Variants in SYN3 observed in about 807,000 individuals in gnomAD.
SYN3 encodes synapsin-3.
In SYN3, 35 loss-of-function variants were observed where a neutral mutation model predicts 65.8. That is an observed-to-expected ratio of 0.53 (90% CI 0.41 to 0.70). SYN3 has a LOEUF of 0.70. Ranked by LOEUF, SYN3 falls within the 30% of genes least tolerant of loss-of-function variation. The pLI, the probability that SYN3 is intolerant of heterozygous loss-of-function variation, is 0.00. For synonymous variants in SYN3, 270 were observed against 292.9 expected, an observed-to-expected ratio of 0.92 and a Z score of 0.80; for missense variants, 680 against 749.0, an observed-to-expected ratio of 0.91 and a Z score of 1.08.
intron 6 of SYN3, among the ~76,000 whole-genome samples, chr22:32,754,567 A>C (rs893434047): frequency 4.6e-5 from 7 of 152,224 alleles, no homozygotes; most frequent in African/African-American, 1.7e-4. Flanking sequence ...TGATATGTGA[A>C]GAGTTGGTCC....
At chr22:32,724,588 T>C (rs1402327678) in intron 6 of SYN3, among the ~76,000 whole-genome samples, 2 of 152,248 alleles carry the variant, frequency 1.3e-5, no homozygotes, top group Non-Finnish European at 2.9e-5. Flanking sequence ...ATGAACCTCT[T>C]CGTATAGTGT....
rs570314733 is a variant in SYN3 at position 32,549,509 on chromosome 22, T to C, written c.775-7796A>G. Among the ~76,000 whole-genome samples, 62 of 152,342 alleles carry C rather than the reference T, an allele frequency of 4.1e-4. 1 individual carries two copies. Among genetic ancestry groups the C allele is most frequent in the African/African-American group, 1.5e-3 (62 of 41,578 alleles). On this transcript the variant is annotated intron_variant, in intron 7 of 13. Transcript: ENST00000358763. ...CTCAAGCAATTCTCCGGCCTTGGCT[T>C]CCCAAAGTGCTGGGATTACAGACAT... is the stretch of plus-strand genomic sequence containing the variant.
chr22:32,603,104 T>C (rs947364947), intron 6 of SYN3, among the ~76,000 whole-genome samples: 4 of 151,814 alleles, frequency 2.6e-5, no homozygotes, highest in Non-Finnish European at 5.9e-5. Context: ...TCAGCCACCA[T>C]ATTACCTCCA....
intron 12 of SYN3, among the ~76,000 whole-genome samples, chr22:32,526,126 T>C (rs925621332): frequency 2.6e-5 from 4 of 152,210 alleles, no homozygotes; most frequent in Non-Finnish European, 5.9e-5. Flanking sequence ...CATAATGCTA[T>C]TGTACTTAAG....
chr22:32,578,028 T>C (rs1222478873), intron 7 of SYN3, among the ~76,000 whole-genome samples: 1 of 152,268 alleles, frequency 6.6e-6, no homozygotes, highest in African/African-American at 2.4e-5. Flanking sequence ...AGGGACTTGA[T>C]TGTGTTTGAT....
At chr22:32,945,854 A>C (rs2051091206) in intron 3 of SYN3, among the ~76,000 whole-genome samples, 1 of 152,242 alleles carries the variant, frequency 6.6e-6, no homozygotes, top group Admixed American at 6.5e-5. Context: ...AGAAAAAACC[A>C]AACAAGGCGA....
intron 1 of SYN3, among the ~76,000 whole-genome samples, chr22:33,040,865 C>A (rs1419831503): frequency 6.6e-6 from 1 of 152,150 alleles, no homozygotes; most frequent in Non-Finnish European, 1.5e-5. Context: ...CCCAGCCATG[C>A]TGAACTGTGA....
chr22:32,695,693 T>C (rs2060726774), intron 6 of SYN3, among the ~76,000 whole-genome samples: 1 of 152,182 alleles, frequency 6.6e-6, no homozygotes, highest in Admixed American at 6.5e-5. Context: ...CTAAGACATT[T>C]AAGCAATGGA....
chr22:32,603,548 A>AAG (rs1555906897), intron 6 of SYN3, among the ~76,000 whole-genome samples: 2 of 151,464 alleles, frequency 1.3e-5, no homozygotes, highest in African/African-American at 4.9e-5. Context: ...AAAAAAAAAA[A>AAG]AAAGAAAGAA....
At chr22:32,739,559 G>A (rs547638543) in intron 6 of SYN3, among the ~76,000 whole-genome samples, 2 of 152,128 alleles carry the variant, frequency 1.3e-5, no homozygotes, top group African/African-American at 4.8e-5. Context: ...ATCCATTACT[G>A]ATATCTACCT....
chr22:32,686,900 G>C (rs764342909), intron 6 of SYN3, among the ~76,000 whole-genome samples: 64 of 151,838 alleles, frequency 4.2e-4, no homozygotes, highest in Admixed American at 9.8e-4. Context: ...TGGCCCAGCC[G>C]CTCCATTTGA....
At chr22:32,939,859 T>C (rs2050886327) in intron 3 of SYN3, among the ~76,000 whole-genome samples, 1 of 152,218 alleles carries the variant, frequency 6.6e-6, no homozygotes. Context: ...TTCATTTTCC[T>C]GGGTTATATA....
rs894875593 is a variant in SYN3 at position 32,676,504 on chromosome 22, C to A, written c.712-79768G>T. On this transcript the variant is annotated intron_variant, in intron 6 of 13. Coordinates refer to ENST00000358763, the MANE Select transcript of SYN3 (RefSeq NM_003490.4). The stretch of plus-strand genomic sequence containing the variant: ...GACAAACACCAATCATAACAGCTTC[C>A]ATTTTCTTTCTTTTCTTTTCTTTCT... Among the ~76,000 whole-genome samples, 618 of 149,616 alleles carry A rather than the reference C, an allele frequency of 4.1e-3. 9 individuals carry two copies. Among genetic ancestry groups the A allele is most frequent in the African/African-American group, 0.015 (597 of 40,668 alleles).
intron 3 of SYN3, among the ~76,000 whole-genome samples, chr22:32,955,882 C>G (rs2051438522): frequency 2.6e-5 from 4 of 151,906 alleles, no homozygotes; most frequent in Non-Finnish European, 4.4e-5. Context: ...GCCTCTCAGC[C>G]TACATCTTTT....
intron 6 of SYN3, chr22:32,783,358 T>G (rs1347093653): frequency 6.6e-6 from 1 of 152,230 alleles, no homozygotes; most frequent in Non-Finnish European, 1.5e-5. Context: ...TCTAAGCCCC[T>G]GCTAAGTAAT....
chr22:32,847,494 T>G (rs1242511249), intron 6 of SYN3, among the ~76,000 whole-genome samples: 1 of 152,228 alleles, frequency 6.6e-6, no homozygotes, highest in East Asian at 1.9e-4. Context: ...GGGCCATTGA[T>G]TCATCTGAAC....
At chr22:33,046,645 A>C (rs2145956799) in intron 1 of SYN3, among the ~76,000 whole-genome samples, 1 of 152,180 alleles carries the variant, frequency 6.6e-6, no homozygotes, top group Middle Eastern at 3.4e-3. Context: ...GCTCGAGACC[A>C]GCCTGGCCAA....
At chr22:32,758,969 C>A (rs1337238931) in intron 6 of SYN3, among the ~76,000 whole-genome samples, 1 of 151,718 alleles carries the variant, frequency 6.6e-6, no homozygotes, top group Non-Finnish European at 1.5e-5. Context: ...AGTCTTCCCA[C>A]AAGTTTCCAA....
At chr22:32,809,365 A>G (rs933686406) in intron 6 of SYN3, among the ~76,000 whole-genome samples, 1 of 152,194 alleles carries the variant, frequency 6.6e-6, no homozygotes, top group Non-Finnish European at 1.5e-5. Context: ...GGTCCCCGTC[A>G]GTCTGCTTAT....
Sources: allele counts gnomAD v4.1 joint callset (sites outside exome capture counted in the v4.1 genomes callset), GRCh38; gene constraint gnomAD v4.1.1; transcripts MANE v1.5; gene names NCBI Gene and HGNC (gene_info 2026-07-23, HGNC 2026-07-21).